Variants in EIF5A observed in about 807,000 individuals in gnomAD.
EIF5A encodes the protein eukaryotic translation initiation factor 5A-1.
EIF5A carries 1 observed loss-of-function variant against 16.6 expected under a neutral mutation model. That is an observed-to-expected ratio of 0.06 (90% CI 0.02 to 0.28). The LOEUF (loss-of-function observed/expected upper bound fraction) is 0.28, where lower values mean the gene tolerates loss of function less well. Ranked by LOEUF, EIF5A falls within the 10% of genes least tolerant of loss-of-function variation. The pLI is 1.00. For missense variants in EIF5A, 29 were observed against 196.1 expected (o/e 0.15, Z 5.09); for synonymous variants, 80 against 73.6 (o/e 1.09, Z -0.44).
At chr17:7,307,382 G>A, upstream of EIF5A, 1 of 1,218,020 alleles carries the variant, frequency 8.2e-7, no homozygotes, top group Non-Finnish European at 1.0e-6. Flanking sequence ...GGGGAGGGAA[G>A]ATGAGGTTGA....
At chr17:7,307,210 CA>C (rs1196668821), upstream of EIF5A, 3 of 1,385,696 alleles carry the variant, frequency 2.2e-6, no homozygotes, top group Admixed American at 4.7e-5. Context: ...GTGGTCTTTT[CA>C]ACGCCTGGCG....
At chr17:7,311,775 C>T in intron 5 of EIF5A, 47 bp from the exon 6 acceptor site, 1 of 1,253,198 alleles carries the variant, frequency 8.0e-7, no homozygotes, top group Non-Finnish European at 1.1e-6. Flanking sequence ...CCTATCCTTC[C>T]TGTTGAAGGT....
Position 7,309,615 on chromosome 17 carries a change from T to C in EIF5A, c.-21T>C. On this transcript the variant is annotated splice_region_variant and 5_prime_UTR_variant, in exon 2 of 6. Coordinates refer to ENST00000336458, the MANE Select transcript of EIF5A (RefSeq NM_001970.5). ...ACTTCAGTTCTCTTCTTGGCTCTAG[T>C]TGGAATCGAAGCCTCTTAAAATGGC... 1.9e-6 allele frequency: 3 copies of C among 1,614,130 alleles called. No homozygotes were observed. Among genetic ancestry groups the C allele is most frequent in the Middle Eastern group, 1.7e-4 (1 of 6,060 alleles).
In EIF5A at chr17:7,310,524, G is replaced by A. The variant is rs541294242; in HGVS notation, c.166-494G>A. 3.4e-5 allele frequency: 39 copies of A among 1,147,788 alleles called. No individual in the cohort carries two copies. The South Asian group carries it at 5.6e-4, about 17-fold the overall frequency. 71.1% of individuals were successfully genotyped at this position (1,147,788 alleles called of 1,614,324 possible). Reference sequence around the variant, plus strand: ...ATCTTGGATTATTCTCTAGTGTCTGGATCCCTCTCTGTGCTCTTCTGGCTT... The same window carrying A: ...ATCTTGGATTATTCTCTAGTGTCTGAATCCCTCTCTGTGCTCTTCTGGCTT... On this transcript the variant is annotated intron_variant, in intron 2 of 5. Transcript: ENST00000336458.
At chr17:7,307,024 G>A (rs1194577985), upstream of EIF5A, 2 of 1,575,306 alleles carry the variant, frequency 1.3e-6, no homozygotes, top group South Asian at 1.2e-5. Flanking sequence ...TAGAAGAGTG[G>A]GGCGGAAAGA....
At chr17:7,307,625 T>G, upstream of EIF5A, 1 of 1,027,126 alleles carries the variant, frequency 9.7e-7, no homozygotes, top group East Asian at 1.1e-4. Context: ...AGTCGGCGCC[T>G]GCGTACTAAG....
intron 3 of EIF5A, 82 bp from the exon 4 acceptor site, chr17:7,311,252 TAGTTTGCTATCAGTCC>T: frequency 6.3e-7 from 1 of 1,594,708 alleles, no homozygotes; most frequent in Non-Finnish European, 8.6e-7. Context: ...TGTTTGGTAT[TAGTTTGCTATCAGTCC>T]AGTTTGTCTA....
At chr17:7,308,364 A>G (rs2072697352) in intron 1 of EIF5A, 3 of 1,183,510 alleles carry the variant, frequency 2.5e-6, no homozygotes, top group Non-Finnish European at 3.2e-6. Context: ...GAACGGCCAC[A>G]TGGTCGGCAG....
chr17:7,307,398 T>G (rs2072654587), upstream of EIF5A: 1 of 1,179,838 alleles, frequency 8.5e-7, no homozygotes, highest in Non-Finnish European at 1.1e-6. Context: ...GTTGAAGAGA[T>G]TAAAAAACCG....
intron 2 of EIF5A, chr17:7,310,206 A>T: frequency 7.7e-7 from 1 of 1,291,216 alleles, no homozygotes; most frequent in South Asian, 1.2e-5. Flanking sequence ...CTTCCCCTGG[A>T]GGGACTCCTG....
upstream of EIF5A, chr17:7,307,059 G>T (rs1284291368): frequency 8.1e-6 from 13 of 1,601,806 alleles, no homozygotes; most frequent in South Asian, 1.1e-5. Context: ...GTGTGGAACT[G>T]GGGGGACTGA....
In EIF5A at chr17:7,310,437, CTTG is replaced by C. The variant is rs1365673215; in HGVS notation, c.166-577_166-575del. 6 of 1,176,884 alleles carry C rather than the reference CTTG, an allele frequency of 5.1e-6. No homozygotes were observed. The African/African-American group carries it at 6.5e-5, about 13-fold the overall frequency. The allele number at this position is 1,176,884 out of a possible 1,614,324, so 72.9% of individuals were successfully genotyped here. On this transcript the variant is annotated intron_variant, in intron 2 of 5. Transcript: ENST00000336458. ...CTTTAGAATTTCAACCTGATTCGTTCTTGTTGAATTTCTTGTGGTGTTTTTCCT... is the reference window on the plus strand; with the variant it reads ...CTTTAGAATTTCAACCTGATTCGTTCTTGAATTTCTTGTGGTGTTTTTCCT...
Position 7,311,835 on chromosome 17 carries a change from G to A in EIF5A, c.*25G>A. ...TCTCCTACCTAGGGTGGCGGTGGTG[G>A]CAGCAGTGATCCTCTGAACCTGCAG... On this transcript the variant is annotated 3_prime_UTR_variant, in exon 6 of 6. Transcript: ENST00000336458. 2.4e-6 allele frequency: 2 copies of A among 845,950 alleles called. No homozygotes were observed. The highest frequency in any genetic ancestry group is 1.7e-5 in the South Asian group (1 of 57,586). The allele number at this position is 845,950 out of a possible 1,614,324, so 52.4% of individuals were successfully genotyped here. A position where few individuals can be genotyped will look rare whatever the true frequency, so the allele number is the denominator to read the frequency against.
chr17:7,310,320 C>T (rs1283506415), intron 2 of EIF5A: 3 of 1,271,492 alleles, frequency 2.4e-6, no homozygotes, highest in Non-Finnish European at 3.1e-6. Context: ...CTGCCCCATC[C>T]CACTCTCCTT....
rs372825464 is a variant in EIF5A, at chr17:7,311,562, C to A, written c.403-16C>A. On this transcript the variant is annotated splice_polypyrimidine_tract_variant and intron_variant, in intron 4 of 5. Transcript: ENST00000336458. The stretch of plus-strand genomic sequence containing the variant: ...TGAGCTCAGACATCTCTTGGCTATC[C>A]CTCTTGCTTCTCCAGATCACGGTGC... 7.7e-5 allele frequency: 125 copies of A among 1,614,164 alleles called. 1 individual carries two copies. In the African/African-American group the frequency reaches 1.6e-3, roughly 20 times the overall value.
intron 2 of EIF5A, chr17:7,310,659 C>T: frequency 1.0e-6 from 1 of 985,358 alleles, no homozygotes; most frequent in Non-Finnish European, 1.2e-6. Context: ...CCTTATTCCC[C>T]AGTTTCTCAG....
At chr17:7,309,875 A>C (rs549385316) in intron 2 of EIF5A, 75 bp downstream of exon 2, 1 of 1,613,828 alleles carries the variant, frequency 6.2e-7, no homozygotes, top group African/African-American at 1.3e-5. Flanking sequence ...CAAGCTGCCA[A>C]CAGTGCTGAC....
intron 2 of EIF5A, chr17:7,310,006 C>T: frequency 6.6e-7 from 1 of 1,523,380 alleles, no homozygotes; most frequent in Non-Finnish European, 8.8e-7. Flanking sequence ...CCCTTCTGTC[C>T]CCGCATCATT....
intron 1 of EIF5A, chr17:7,308,392 C>T (rs1440409969): frequency 8.1e-7 from 1 of 1,227,792 alleles, no homozygotes; most frequent in Non-Finnish European, 1.0e-6. Context: ...CAGCCCCTAG[C>T]GCGGGGAGCT....
Sources: allele counts gnomAD v4.1 joint callset, GRCh38; gene constraint gnomAD v4.1.1; transcripts MANE v1.5; gene names NCBI Gene and HGNC (gene_info 2026-07-23, HGNC 2026-07-21).